The following KIAA2012 variants were observed in gnomAD, a reference collection of about 807,000 sequenced individuals.
The protein encoded by KIAA2012 is KIAA2012, also known as uncharacterized protein KIAA2012.
In KIAA2012, 125 loss-of-function variants were observed where a neutral mutation model predicts 150.6. The ratio of observed to expected loss-of-function variants is 0.83; its 90% CI spans 0.72 to 0.96. The LOEUF (loss-of-function observed/expected upper bound fraction) is 0.96. Among genes scored for constraint, KIAA2012 ranks in the 40% least tolerant of loss-of-function variants. The probability of loss-of-function intolerance (pLI) is 0.00; values close to 1 mark genes in which losing one functional copy is unlikely to be tolerated. For missense variants in KIAA2012, 1,219 were observed against 1,354.9 expected (o/e 0.90, Z 1.57); for synonymous variants, 462 against 504.7 (o/e 0.92, Z 1.13).
intron 3 of KIAA2012, 102 bp from the exon 4 acceptor site, chr2:202,092,928 C>A: frequency 9.9e-7 from 1 of 1,014,022 alleles, no homozygotes; most frequent in Non-Finnish European, 1.4e-6. Context: ...TGGGCAATGT[C>A]CAAAGCCAAG....
intron 2 of KIAA2012, among the ~76,000 whole-genome samples, chr2:202,086,919 G>A (rs900083331): frequency 1.3e-5 from 2 of 152,002 alleles, no homozygotes; most frequent in East Asian, 1.9e-4. Flanking sequence ...CCTCCAATCC[G>A]TAGCAGCTTT....
chr2:202,109,879 T>C, intron 10 of KIAA2012, 90 bp downstream of exon 10: 2 of 1,203,812 alleles, frequency 1.7e-6, no homozygotes. Context: ...GTAAGTTTTC[T>C]GAAAGGCATT....
intron 23 of KIAA2012, among the ~76,000 whole-genome samples, chr2:202,204,450 A>T (rs1001168778): frequency 6.6e-6 from 1 of 152,206 alleles, no homozygotes; most frequent in Non-Finnish European, 1.5e-5. Context: ...AAAATGAAGA[A>T]AGATATTTTT....
chr2:202,076,889 G>C (rs1394393707), intron 2 of KIAA2012: 1 of 446,818 alleles, frequency 2.2e-6, no homozygotes, highest in East Asian at 7.0e-5. Flanking sequence ...TTGACCACAG[G>C]CTATATACAA....
chr2:202,171,533 A>G (rs1257579315), intron 15 of KIAA2012, among the ~76,000 whole-genome samples: 1 of 151,814 alleles, frequency 6.6e-6, no homozygotes, highest in Non-Finnish European at 1.5e-5. Flanking sequence ...TCAAGACCCC[A>G]GGCGGGCTCT....
At chr2:202,106,743 C>T (rs759668641) in intron 9 of KIAA2012, among the ~76,000 whole-genome samples, 2 of 151,990 alleles carry the variant, frequency 1.3e-5, no homozygotes, top group African/African-American at 2.4e-5. Context: ...AAAGTCTTCA[C>T]TCCAATTTCC....
intron 2 of KIAA2012, among the ~76,000 whole-genome samples, chr2:202,088,237 C>G (rs1291568661): frequency 6.6e-6 from 1 of 152,110 alleles, no homozygotes; most frequent in African/African-American, 2.4e-5. Context: ...GAAAGGGGAT[C>G]TGCTGACAAA....
At chr2:202,183,190 C>T (rs1389166242) in intron 15 of KIAA2012, among the ~76,000 whole-genome samples, 2 of 152,052 alleles carry the variant, frequency 1.3e-5, no homozygotes, top group African/African-American at 2.4e-5. Flanking sequence ...GAAGCTGAGG[C>T]GGGCGGATCG....
chr2:202,082,602 A>C (rs61445216), intron 2 of KIAA2012, among the ~76,000 whole-genome samples: 71,405 of 132,058 alleles, frequency 0.54, 17,983 homozygotes, highest in Non-Finnish European at 0.6. Context: ...TCTTTAAAAA[A>C]AAAAAAAAGA....
intron 8 of KIAA2012, 110 bp downstream of exon 8, chr2:202,103,224 A>G: frequency 9.8e-7 from 1 of 1,017,922 alleles, no homozygotes; most frequent in Non-Finnish European, 1.4e-6. Flanking sequence ...CATCCCCTTC[A>G]GAGAATATTT....
At chr2:202,090,253 T>C (rs1282457136) in intron 2 of KIAA2012, among the ~76,000 whole-genome samples, 1 of 128,576 alleles carries the variant, frequency 7.8e-6, no homozygotes, top group East Asian at 1.9e-4. Context: ...TGGCACTGAC[T>C]TTGGCAGATA....
chr2:202,118,996 G>A (rs1302192933), intron 11 of KIAA2012, among the ~76,000 whole-genome samples: 1 of 152,214 alleles, frequency 6.6e-6, no homozygotes, highest in African/African-American at 2.4e-5. Flanking sequence ...GAAGAAACAT[G>A]TCAAGAATAA....
chr2:202,077,622 C>T (rs1225333784), intron 2 of KIAA2012, among the ~76,000 whole-genome samples: 1 of 151,924 alleles, frequency 6.6e-6, no homozygotes, highest in Non-Finnish European at 1.5e-5. Flanking sequence ...TTAAGATTAA[C>T]GGACATAGTA....
At chr2:202,180,063 G>A (rs746095120) in intron 15 of KIAA2012, 3 of 398,614 alleles carry the variant, frequency 7.5e-6, no homozygotes, top group East Asian at 1.4e-4. Context: ...CCTGAGGTCG[G>A]GAGTTCAAGA....
chr2:202,081,594 C>A, intron 2 of KIAA2012, among the ~76,000 whole-genome samples: 1 of 141,886 alleles, frequency 7.0e-6, no homozygotes, highest in East Asian at 2.1e-4. Context: ...GTTGCCCAGA[C>A]TGGAGTGCAA....
rs944800530 is a variant in KIAA2012, at chr2:202,160,407, G to A, written c.2047-4877G>A. The stretch of plus-strand genomic sequence containing the variant: ...CGGCTCACTGCAAGCTCCACCTCCC[G>A]GGTTCACGCCATTCTCCTGCCTCAG... On this transcript the variant is annotated intron_variant, in intron 14 of 23. Transcript: ENST00000498697. Among the ~76,000 whole-genome samples the A allele has an allele frequency of 1.3e-4, 18 of 143,594 alleles. 1 individual carries two copies. In the East Asian group the frequency reaches 2.7e-3, roughly 21 times the overall value. The allele number at this position is 143,594 out of a possible 152,430, so 94.2% of individuals were successfully genotyped here. A position where few individuals can be genotyped will look rare whatever the true frequency, so the allele number is the denominator to read the frequency against.
Position 202,102,073 on chromosome 2 carries a change from T to C in KIAA2012, c.1156-873T>C, listed in dbSNP as rs564710614. Reference sequence around the variant, plus strand: ...CACATTTCACAGAGCCAAGTTCATATGTTAAAAGTTGCAAACTAAAAGGAG... The same window carrying C: ...CACATTTCACAGAGCCAAGTTCATACGTTAAAAGTTGCAAACTAAAAGGAG... On this transcript the variant is annotated intron_variant, in intron 7 of 23. Transcript: ENST00000498697. Among the ~76,000 whole-genome samples, 127 of 152,236 alleles carry C rather than the reference T, an allele frequency of 8.3e-4. 1 individual carries two copies. Among genetic ancestry groups the C allele is most frequent in the Middle Eastern group, 3.4e-3 (1 of 294 alleles).
At chr2:202,106,786 T>C (rs767721341) in intron 9 of KIAA2012, among the ~76,000 whole-genome samples, 31 of 152,196 alleles carry the variant, frequency 2.0e-4, no homozygotes, top group East Asian at 9.6e-4. Context: ...TACACATGGG[T>C]GCATCTAAGT....
At chr2:202,076,483 C>T (rs768356643) in intron 2 of KIAA2012, among the ~76,000 whole-genome samples, 25 of 152,126 alleles carry the variant, frequency 1.6e-4, no homozygotes, top group Non-Finnish European at 2.9e-4. Flanking sequence ...TGACTGAATG[C>T]CCAATGCTCT....
Sources: gnomAD v4.1 joint callset for allele counts (sites outside exome capture counted in the v4.1 genomes callset) on GRCh38, gnomAD v4.1.1 for gene constraint, MANE v1.5 for transcripts, NCBI Gene and HGNC (gene_info 2026-07-23, HGNC 2026-07-21) for gene names.